ATP8B4: variants seen among roughly 807,000 people sequenced by gnomAD.
ATP8B4 encodes probable phospholipid-transporting ATPase IM.
In ATP8B4, 133 loss-of-function variants were observed where a neutral mutation model predicts 145.6. The observed-to-expected ratio is 0.91, with a 90% CI of 0.79 to 1.05. ATP8B4 has a LOEUF of 1.05. Ranked by LOEUF, ATP8B4 falls within the 50% of genes least tolerant of loss-of-function variation. ATP8B4 has a pLI of 0.00. For missense variants in ATP8B4, 1,458 were observed against 1,425.2 expected (o/e 1.02, Z -0.37); for synonymous variants, 507 against 492.9 (o/e 1.03, Z -0.38).
intron 1 of ATP8B4, among the ~76,000 whole-genome samples, chr15:50,132,734 G>A (rs930879910): frequency 1.7e-4 from 26 of 152,182 alleles, no homozygotes. Context: ...TGACAGACTG[G>A]ATAAAGAAAA....
At chr15:50,076,910 C>G (rs958987732) in intron 2 of ATP8B4, among the ~76,000 whole-genome samples, 1 of 152,194 alleles carries the variant, frequency 6.6e-6, no homozygotes, top group Admixed American at 6.5e-5. Flanking sequence ...ACTTTCTTCT[C>G]TGTGCTACCA....
chr15:50,105,030 C>T (rs539507071), intron 2 of ATP8B4, among the ~76,000 whole-genome samples: 2 of 151,904 alleles, frequency 1.3e-5, no homozygotes, highest in African/African-American at 4.8e-5. Flanking sequence ...TGTCCTCACC[C>T]ATAAGTGGGA....
intron 25 of ATP8B4, among the ~76,000 whole-genome samples, chr15:49,875,498 A>G (rs1026702809): frequency 6.6e-6 from 1 of 152,220 alleles, no homozygotes; most frequent in Non-Finnish European, 1.5e-5. Context: ...CAGAGGTCAC[A>G]TAGCTTGCTG....
At chr15:49,985,151 C>T (rs564224067) in intron 10 of ATP8B4, among the ~76,000 whole-genome samples, 80 of 151,272 alleles carry the variant, frequency 5.3e-4, no homozygotes, top group Non-Finnish European at 1.0e-3. Context: ...GGCTGGAGTG[C>T]AGTGGTGCAA....
At chr15:50,029,444 C>T (rs746762548) in intron 6 of ATP8B4, among the ~76,000 whole-genome samples, 5 of 151,994 alleles carry the variant, frequency 3.3e-5, no homozygotes, top group Non-Finnish European at 5.9e-5. Flanking sequence ...TCTCTGCCTC[C>T]ACCTGCACAT....
intron 9 of ATP8B4, among the ~76,000 whole-genome samples, chr15:49,996,406 A>G (rs1183224004): frequency 1.3e-5 from 2 of 152,140 alleles, no homozygotes; most frequent in Non-Finnish European, 2.9e-5. Context: ...GGAGGCCAAC[A>G]TCAAGCAAGT....
chr15:49,895,386 C>T (rs2037291667), intron 23 of ATP8B4: 1 of 152,212 alleles, frequency 6.6e-6, no homozygotes, highest in Admixed American at 6.5e-5. Context: ...CACGCTAAAG[C>T]TTGAGAACCA....
At chr15:49,871,625 C>T (rs559905974) in intron 25 of ATP8B4, among the ~76,000 whole-genome samples, 1 of 152,316 alleles carries the variant, frequency 6.6e-6, no homozygotes, top group Admixed American at 6.5e-5. Flanking sequence ...AGGTGGATAA[C>T]ACAACCAAAT....
At chr15:50,148,906 G>A (rs1453513287) in intron 1 of ATP8B4, among the ~76,000 whole-genome samples, 1 of 152,130 alleles carries the variant, frequency 6.6e-6, no homozygotes, top group African/African-American at 2.4e-5. Context: ...AAAGTATTTA[G>A]GAATAAAATG....
chr15:50,112,801 T>C (rs1441845011), intron 1 of ATP8B4, among the ~76,000 whole-genome samples: 1 of 151,970 alleles, frequency 6.6e-6, no homozygotes. Context: ...CCAGTCTACT[T>C]TTTCTCCTCT....
intron 5 of ATP8B4, among the ~76,000 whole-genome samples, chr15:50,039,394 T>C (rs1001371143): frequency 1.4e-4 from 21 of 151,492 alleles, no homozygotes; most frequent in Non-Finnish European, 2.5e-4. Flanking sequence ...TTGTGATTTA[T>C]GTCCAAATGG....
rs374528390 is a variant in ATP8B4 at position 50,083,567 on chromosome 15, T to C, written c.29-9382A>G. Among the ~76,000 whole-genome samples, 37 of 152,282 alleles carry C rather than the reference T, an allele frequency of 2.4e-4. 1 individual carries two copies. The South Asian group carries it at 7.5e-3, about 31-fold the overall frequency. ...CTAAGGGTTGGCCAAGAAAGCCTCCTGTCATAAAATGAGAGGAAATAACTC... is the reference window on the plus strand; with the variant it reads ...CTAAGGGTTGGCCAAGAAAGCCTCCCGTCATAAAATGAGAGGAAATAACTC... On this transcript the variant is annotated intron_variant, in intron 2 of 27. Transcript: ENST00000284509.
intron 3 of ATP8B4, among the ~76,000 whole-genome samples, chr15:50,053,392 TC>T (rs2052344438): frequency 1.3e-5 from 2 of 152,210 alleles, no homozygotes; most frequent in Non-Finnish European, 2.9e-5. Context: ...AAAGCAGTTA[TC>T]TCTTCTGCTT....
chr15:49,991,286 A>G (rs1228629889), intron 9 of ATP8B4, among the ~76,000 whole-genome samples: 1 of 152,244 alleles, frequency 6.6e-6, no homozygotes, highest in Non-Finnish European at 1.5e-5. Context: ...ATTCCTGAAT[A>G]AAGAGTCAAC....
chr15:49,984,776 A>G (rs1349404918), intron 10 of ATP8B4, among the ~76,000 whole-genome samples: 1 of 152,138 alleles, frequency 6.6e-6, no homozygotes, highest in African/African-American at 2.4e-5. Context: ...AAAGAATGGT[A>G]GAAAAAGGTG....
chr15:49,868,927 TTTG>T (rs1456830153), intron 25 of ATP8B4, among the ~76,000 whole-genome samples: 8 of 152,274 alleles, frequency 5.3e-5, no homozygotes, highest in East Asian at 1.9e-4. Context: ...ATGGGATTTT[TTTG>T]TTGTTGTTGA....
chr15:49,961,612 C>T (rs541247399), intron 14 of ATP8B4, among the ~76,000 whole-genome samples: 96 of 151,990 alleles, frequency 6.3e-4, no homozygotes, highest in African/African-American at 2.1e-3. Flanking sequence ...TTAAAAAGAA[C>T]GAGAAAGTAC....
At position 49,920,316 on chromosome 15, in the gene ATP8B4, G is replaced by C. The variant is rs200106056; in HGVS notation, c.1853C>G (p.Ala618Gly). ...FKEWHKMLED[A>G]NAATEERDER... ...ATCCCTCTCTTCTGTGGCAGCATTC[G>C]CATCTTCAAGCATCTTATGCCACTC... Residue 618 changes from alanine (A) to glycine (G), a missense_variant, in exon 18 of 28, where the codon GCG becomes GGG. Transcript: ENST00000284509. 5.3e-5 allele frequency: 85 copies of C among 1,613,884 alleles called. No individual in the cohort carries two copies. Among genetic ancestry groups the C allele is most frequent in the Non-Finnish European group, 5.8e-5 (68 of 1,180,014 alleles).
intron 3 of ATP8B4, among the ~76,000 whole-genome samples, chr15:50,061,080 T>A (rs12903325): frequency 1.3e-5 from 2 of 152,020 alleles, no homozygotes; most frequent in Non-Finnish European, 2.9e-5. Context: ...GATGAAACAC[T>A]GAAATGCCTT....
Sources: allele counts gnomAD v4.1 joint callset (sites outside exome capture counted in the v4.1 genomes callset), GRCh38; gene constraint gnomAD v4.1.1; transcripts MANE v1.5; gene names NCBI Gene and HGNC (gene_info 2026-07-23, HGNC 2026-07-21).